Variants in DNAH12 observed in about 807,000 individuals in gnomAD.
DNAH12 encodes axonemal beta dynein heavy chain 12.
In DNAH12, 285 loss-of-function variants were observed where a neutral mutation model predicts 371.5. That is an observed-to-expected ratio of 0.77 (90% CI 0.70 to 0.85). The LOEUF is 0.85. Among genes scored for constraint, DNAH12 ranks in the 40% least tolerant of loss-of-function variants. DNAH12 has a pLI of 0.00. For missense variants in DNAH12, 3,611 were observed against 3,689.4 expected (o/e 0.98, Z 0.55); for synonymous variants, 1,200 against 1,213.0 (o/e 0.99, Z 0.22).
intron 62 of DNAH12, among the ~76,000 whole-genome samples, chr3:57,329,114 A>G (rs941248660): frequency 4.7e-5 from 7 of 148,876 alleles, no homozygotes; most frequent in Admixed American, 4.7e-4. Context: ...AAGAATCAAT[A>G]TTGTGAAAAT....
At chr3:57,405,240 A>C (rs2063988272) in intron 41 of DNAH12, 93 bp from the exon 42 acceptor site, 2 of 1,161,796 alleles carry the variant, frequency 1.7e-6, no homozygotes, top group East Asian at 5.6e-5. Context: ...GTTATAAAGT[A>C]ATTAAGTTTT....
At chr3:57,540,943 A>T (rs2069252029) in intron 2 of DNAH12, among the ~76,000 whole-genome samples, 1 of 152,050 alleles carries the variant, frequency 6.6e-6, no homozygotes, top group South Asian at 2.1e-4. Context: ...AAGAAAAAAA[A>T]AAAGGAACAA....
intron 49 of DNAH12, among the ~76,000 whole-genome samples, chr3:57,383,409 A>AT (rs2063435933): frequency 6.6e-6 from 1 of 152,126 alleles, no homozygotes; most frequent in East Asian, 1.9e-4. Context: ...CAAGAATCCT[A>AT]TATCAGGGGA....
intron 57 of DNAH12, among the ~76,000 whole-genome samples, chr3:57,365,778 C>T (rs1213106700): frequency 2.6e-5 from 4 of 151,530 alleles, no homozygotes; most frequent in Admixed American, 6.6e-5. Context: ...AACAAAATAT[C>T]ACCTATTCTG....
At chr3:57,378,400 T>C (rs1405351378) in intron 52 of DNAH12, among the ~76,000 whole-genome samples, 1 of 152,098 alleles carries the variant, frequency 6.6e-6, no homozygotes, top group Non-Finnish European at 1.5e-5. Flanking sequence ...TTTATTCAGG[T>C]CTGCTCCTTT....
rs1006532699 is a variant in DNAH12, at chr3:57,470,423, A to T, written c.2105+20T>A. ...ATTTTCTATCATTTGCTTGATTTTT[A>T]TTACATTACCAGCAATTACCGTTTT... On this transcript the variant is annotated intron_variant, in intron 16 of 73. Coordinates refer to ENST00000495027, the MANE Select transcript of DNAH12 (RefSeq NM_001366028.2). 1 of 1,486,448 alleles carries T rather than the reference A, an allele frequency of 6.7e-7. No homozygotes were observed. Among genetic ancestry groups the T allele is most frequent in the Middle Eastern group, 1.8e-4 (1 of 5,674 alleles). The allele number at this position is 1,486,448 out of a possible 1,614,324, so 92.1% of individuals were successfully genotyped here. A position where few individuals can be genotyped will look rare whatever the true frequency, so the allele number is the denominator to read the frequency against.
intron 8 of DNAH12, 45 bp from the exon 9 acceptor site, chr3:57,504,249 C>G: frequency 6.6e-7 from 1 of 1,523,984 alleles, no homozygotes; most frequent in Admixed American, 2.0e-5. Flanking sequence ...ACAAATTCAA[C>G]CTTTAACTAA....
In DNAH12 at chr3:57,542,914, A is replaced by T; in HGVS notation, c.-33-11T>A. On this transcript the variant is annotated splice_polypyrimidine_tract_variant and intron_variant, in intron 1 of 73. Transcript: ENST00000495027. The stretch of plus-strand genomic sequence containing the variant: ...AAAATACTCTGTACTCTGAGGAGAA[A>T]AAGTCCATAAAGCCATTATTATGTC... The T allele has an allele frequency of 6.7e-7, 1 of 1,483,696 alleles. No homozygotes were observed. The highest frequency in any genetic ancestry group is 8.9e-7 in the Non-Finnish European group (1 of 1,120,370). The allele number at this position is 1,483,696 out of a possible 1,614,324, so 91.9% of individuals were successfully genotyped here. A position where few individuals can be genotyped will look rare whatever the true frequency, so the allele number is the denominator to read the frequency against.
At chr3:57,550,682 T>A in the DNAH12 span, among the ~76,000 whole-genome samples, 1 of 148,794 alleles carries the variant, frequency 6.7e-6, no homozygotes, top group African/African-American at 2.5e-5. Context: ...CCAGCTAAAT[T>A]TTTTTTTTTT....
chr3:57,486,882 G>A (rs1315651020), intron 12 of DNAH12, among the ~76,000 whole-genome samples: 1 of 152,076 alleles, frequency 6.6e-6, no homozygotes, highest in Non-Finnish European at 1.5e-5. Context: ...GAATGATGGA[G>A]TGTCAAGAAG....
intron 69 of DNAH12, among the ~76,000 whole-genome samples, chr3:57,306,176 A>G (rs1443768708): frequency 6.6e-6 from 1 of 152,154 alleles, no homozygotes; most frequent in Admixed American, 6.5e-5. Flanking sequence ...CGATCGCCTC[A>G]GAAGCCCCTA....
At chr3:57,297,097 G>C in intron 70 of DNAH12, 113 bp from the exon 71 acceptor site, 5 of 1,228,984 alleles carry the variant, frequency 4.1e-6, no homozygotes, top group Non-Finnish European at 5.6e-6. Flanking sequence ...TTTCCATCAC[G>C]AGGCCCTCTT....
At position 57,309,398 on chromosome 3, in the gene DNAH12, C is replaced by CCTTA. The variant is rs1214966873; in HGVS notation, c.11086-148_11086-145dup. ...CAGTAATGTATATAAGTCCTATGTA[C>CCTTA]CTTAGCTCATCCACAACCACAGTTA... On this transcript the variant is annotated intron_variant, in intron 68 of 73. Coordinates refer to ENST00000495027, the MANE Select transcript of DNAH12 (RefSeq NM_001366028.2). The CCTTA allele has an allele frequency of 9.7e-6, 7 of 723,002 alleles. No individual in the cohort carries two copies. The African/African-American group carries it at 1.1e-4, about 11-fold the overall frequency. 44.8% of individuals were successfully genotyped at this position (723,002 alleles called of 1,614,324 possible).
At chr3:57,332,635 C>G (rs2062125753) in intron 62 of DNAH12, among the ~76,000 whole-genome samples, 1 of 152,186 alleles carries the variant, frequency 6.6e-6, no homozygotes, top group Non-Finnish European at 1.5e-5. Flanking sequence ...GCCAAGGCTG[C>G]TGGAAGTTGC....
intron 11 of DNAH12, among the ~76,000 whole-genome samples, chr3:57,492,343 C>T (rs2067156030): frequency 6.6e-6 from 1 of 151,834 alleles, no homozygotes. Context: ...ACCTGTAATC[C>T]CAGCTACTCG....
At chr3:57,551,731 A>T in the DNAH12 span, among the ~76,000 whole-genome samples, 13 of 152,162 alleles carry the variant, frequency 8.5e-5, no homozygotes, top group East Asian at 5.8e-4. Context: ...TTCTAAAAAG[A>T]TATGTTTTCT....
chr3:57,441,399 AG>A (rs2065300234), intron 29 of DNAH12, among the ~76,000 whole-genome samples: 1 of 152,190 alleles, frequency 6.6e-6, no homozygotes, highest in South Asian at 2.1e-4. Flanking sequence ...AGAAAAAAAG[AG>A]GCATGAGAGA....
At chr3:57,347,668 A>G (rs1172971883) in intron 60 of DNAH12, among the ~76,000 whole-genome samples, 2 of 151,302 alleles carry the variant, frequency 1.3e-5, no homozygotes, top group Non-Finnish European at 2.9e-5. Flanking sequence ...GTGAGCCAAG[A>G]CGAGATAGAG....
Position 57,459,704 on chromosome 3 carries a change from G to C in DNAH12, c.2819C>G (p.Pro940Arg). 1.3e-6 allele frequency: 2 copies of C among 1,548,232 alleles called. No homozygotes were observed. The highest frequency in any genetic ancestry group is 4.9e-5 in the East Asian group (2 of 40,874). Reference protein sequence around the residue: ...KVQAQWLYLEPIFCSEDIMQQ... With the variant: ...KVQAQWLYLERIFCSEDIMQQ... The stretch of plus-strand genomic sequence containing the variant: ...CATGATATCCTCAGAACAAAAGATG[G>C]GCTCTAAGTACAGCCATTGAGCTTG... Residue 940 changes from proline to arginine, a missense_variant, in exon 20 of 74, where the codon CCC (proline) becomes CGC (arginine). This residue lies in a region of DNAH12 where 1,314 missense variants were observed against 1,398.7 expected (regional missense o/e 0.94). Transcript: ENST00000495027.
Sources: gnomAD v4.1 joint callset for allele counts (sites outside exome capture counted in the v4.1 genomes callset) on GRCh38, gnomAD v4.1.1 for gene constraint, gnomAD v4.1.1 regional missense constraint, MANE v1.5 for transcripts, NCBI Gene and HGNC (gene_info 2026-07-23, HGNC 2026-07-21) for gene names.